PDGFC: variants seen among roughly 807,000 people sequenced by gnomAD.
PDGFC encodes the protein platelet-derived growth factor C.
Under a neutral mutation model 35.5 loss-of-function variants are expected in PDGFC, and 12 were observed. The ratio of observed to expected loss-of-function variants is 0.34; its 90% CI spans 0.22 to 0.55. PDGFC has a LOEUF of 0.55. Ranked by LOEUF, PDGFC falls within the 20% of genes least tolerant of loss-of-function variation. The probability of loss-of-function intolerance (pLI) is 0.91; values close to 1 mark genes in which losing one functional copy is unlikely to be tolerated. For missense variants in PDGFC, 322 were observed against 412.4 expected (o/e 0.78, Z 1.90); for synonymous variants, 159 against 148.8 (o/e 1.07, Z -0.50).
chr4:156,781,321 C>G (rs939951687), intron 3 of PDGFC, among the ~76,000 whole-genome samples: 5 of 152,124 alleles, frequency 3.3e-5, no homozygotes, highest in Admixed American at 1.3e-4. Context: ...AGTCTTCTAA[C>G]TGGTCTCCCT....
At chr4:156,948,411 G>C (rs890401787) in intron 1 of PDGFC, among the ~76,000 whole-genome samples, 1 of 151,756 alleles carries the variant, frequency 6.6e-6, no homozygotes, top group Non-Finnish European at 1.5e-5. Flanking sequence ...TATCCACATC[G>C]AGCTCTGGGA....
chr4:156,922,208 G>A (rs1213082600), intron 1 of PDGFC, among the ~76,000 whole-genome samples: 2 of 151,740 alleles, frequency 1.3e-5, no homozygotes, highest in South Asian at 2.1e-4. Flanking sequence ...GTGTGTGTGT[G>A]TATATCTGGT....
At chr4:156,957,235 C>A (rs1732234500) in intron 1 of PDGFC, among the ~76,000 whole-genome samples, 1 of 151,970 alleles carries the variant, frequency 6.6e-6, no homozygotes, top group Admixed American at 6.6e-5. Flanking sequence ...TGGCTCTCCC[C>A]CAAACCTCCA....
chr4:156,900,420 G>T (rs746341259), intron 1 of PDGFC, among the ~76,000 whole-genome samples: 5 of 152,168 alleles, frequency 3.3e-5, no homozygotes, highest in Non-Finnish European at 7.3e-5. Context: ...GAAGGAATGG[G>T]CAGCAAAACT....
intron 1 of PDGFC, among the ~76,000 whole-genome samples, chr4:156,899,665 G>A (rs1331265858): frequency 6.6e-6 from 1 of 151,966 alleles, no homozygotes; most frequent in Non-Finnish European, 1.5e-5. Flanking sequence ...AAACACAAAA[G>A]TTAGCGGAGG....
chr4:156,904,911 TATA>T (rs1730878133), intron 1 of PDGFC, among the ~76,000 whole-genome samples: 1 of 152,138 alleles, frequency 6.6e-6, no homozygotes, highest in South Asian at 2.1e-4. Flanking sequence ...ATTGCTGGCA[TATA>T]ATATTTGCCC....
chr4:156,824,285 CAT>C (rs58698115), intron 2 of PDGFC, among the ~76,000 whole-genome samples: 1,329 of 92,306 alleles, frequency 0.014, 15 homozygotes, highest in East Asian at 0.03. Flanking sequence ...ACAATGTAAG[CAT>C]ATATATATAT....
At chr4:156,885,453 C>T (rs980146889) in intron 1 of PDGFC, among the ~76,000 whole-genome samples, 2 of 152,132 alleles carry the variant, frequency 1.3e-5, no homozygotes, top group African/African-American at 4.8e-5. Flanking sequence ...AATATTTGTG[C>T]ACCCTTTAAA....
intron 2 of PDGFC, among the ~76,000 whole-genome samples, chr4:156,819,449 G>C (rs1454708553): frequency 6.6e-6 from 1 of 152,144 alleles, no homozygotes; most frequent in Non-Finnish European, 1.5e-5. Flanking sequence ...AAAAATGCTA[G>C]GGCTCTTAAG....
intron 1 of PDGFC, among the ~76,000 whole-genome samples, chr4:156,920,649 ACACACACACACACACACACACAC>A (rs1560873575): frequency 0.11 from 11,298 of 98,862 alleles, 1,346 homozygotes; most frequent in African/African-American, 0.35. Context: ...AAGAAAACAC[ACACACACACACACACACACACAC>A]ACACACACAC....
intron 2 of PDGFC, among the ~76,000 whole-genome samples, chr4:156,847,663 T>C (rs569601461): frequency 1.2e-5 from 1 of 84,332 alleles, no homozygotes; most frequent in Non-Finnish European, 2.2e-5. Flanking sequence ...TATGCCAAAG[T>C]ATGTAGGATG....
intron 3 of PDGFC, among the ~76,000 whole-genome samples, chr4:156,787,937 G>GT (rs1731174074): frequency 6.6e-6 from 1 of 152,156 alleles, no homozygotes; most frequent in Non-Finnish European, 1.5e-5. Flanking sequence ...GAGGGAAAAT[G>GT]TAAGGTAACA....
chr4:156,831,350 G>T (rs1210030528), intron 2 of PDGFC, among the ~76,000 whole-genome samples: 1 of 151,528 alleles, frequency 6.6e-6, no homozygotes, highest in Non-Finnish European at 1.5e-5. Context: ...GTACATGCTG[G>T]TATTCCTAGC....
At chr4:156,956,439 T>C (rs1732211683) in intron 1 of PDGFC, among the ~76,000 whole-genome samples, 1 of 152,154 alleles carries the variant, frequency 6.6e-6, no homozygotes, top group Non-Finnish European at 1.5e-5. Flanking sequence ...TTTGTATGTA[T>C]ATTACAGTTT....
intron 1 of PDGFC, among the ~76,000 whole-genome samples, chr4:156,935,027 C>T (rs545294817): frequency 3.3e-5 from 5 of 152,078 alleles, no homozygotes; most frequent in Admixed American, 2.0e-4. Context: ...GATGGAGTCT[C>T]GCTCTGTCCC....
At chr4:156,803,123 T>C (rs775198014) in intron 3 of PDGFC, among the ~76,000 whole-genome samples, 17 of 152,072 alleles carry the variant, frequency 1.1e-4, no homozygotes, top group Non-Finnish European at 2.9e-5. Context: ...GCAGTCCACA[T>C]TGGAGCAGGC....
In PDGFC at chr4:156,865,164, TTTAGGA is replaced by T. The variant is rs377447329; in HGVS notation, c.119-14754_119-14749del. Among the ~76,000 whole-genome samples, 7 of 149,936 alleles carry T rather than the reference TTTAGGA, an allele frequency of 4.7e-5. No homozygotes were observed. In the East Asian group the frequency reaches 1.2e-3, roughly 25 times the overall value. On this transcript the variant is annotated intron_variant, in intron 1 of 5. Coordinates refer to ENST00000502773, the MANE Select transcript of PDGFC (RefSeq NM_016205.3). ...GCAAAACAATGGATAAATTTTTCAC[TTTAGGA>T]TTAGAAGATACATGTGCACACACAC...
chr4:156,807,441 T>A (rs1731797819), intron 3 of PDGFC, among the ~76,000 whole-genome samples: 1 of 152,016 alleles, frequency 6.6e-6, no homozygotes, highest in Non-Finnish European at 1.5e-5. Flanking sequence ...AGTACTGATA[T>A]TTATAATAAA....
chr4:156,926,555 A>G (rs1163905116), intron 1 of PDGFC, among the ~76,000 whole-genome samples: 1 of 152,194 alleles, frequency 6.6e-6, no homozygotes, highest in Non-Finnish European at 1.5e-5. Flanking sequence ...ATTGGCCAAA[A>G]CAAAGGGGCG....
Sources: gnomAD v4.1 joint callset for allele counts (sites outside exome capture counted in the v4.1 genomes callset) on GRCh38, gnomAD v4.1.1 for gene constraint, MANE v1.5 for transcripts, NCBI Gene and HGNC (gene_info 2026-07-23, HGNC 2026-07-21) for gene names.